The following GFRA1 variants were observed in gnomAD, a reference collection of about 807,000 sequenced individuals.
The protein encoded by GFRA1 is GDNF family receptor alpha-1.
Under a neutral mutation model 51.6 loss-of-function variants are expected in GFRA1, and 16 were observed. That is an observed-to-expected ratio of 0.31 (90% CI 0.21 to 0.47). The LOEUF is 0.47. GFRA1 is among the 20% of genes least tolerant of loss of function. GFRA1 has a pLI of 1.00. For missense variants in GFRA1, 530 were observed against 594.3 expected (o/e 0.89, Z 1.13); for synonymous variants, 270 against 241.3 (o/e 1.12, Z -1.10).
At chr10:116,161,882 A>C (rs1003215688) in intron 5 of GFRA1, among the ~76,000 whole-genome samples, 12 of 152,254 alleles carry the variant, frequency 7.9e-5, no homozygotes, top group African/African-American at 2.7e-4. Flanking sequence ...GTGCAAAAGA[A>C]AAAATTATAG....
chr10:116,252,491 C>T (rs1287526290), intron 4 of GFRA1, among the ~76,000 whole-genome samples: 3 of 152,246 alleles, frequency 2.0e-5, no homozygotes, highest in Non-Finnish European at 4.4e-5. Flanking sequence ...ATACAGCTGG[C>T]GCCTACTGCA....
intron 2 of GFRA1, among the ~76,000 whole-genome samples, chr10:116,271,666 C>T (rs765702092): frequency 8.5e-5 from 13 of 152,192 alleles, no homozygotes; most frequent in Non-Finnish European, 1.5e-4. Context: ...CCAACTCCAC[C>T]TGCCCGCCGC....
At chr10:116,247,088 T>A (rs1967926811) in intron 4 of GFRA1, among the ~76,000 whole-genome samples, 1 of 152,186 alleles carries the variant, frequency 6.6e-6, no homozygotes, top group Non-Finnish European at 1.5e-5. Flanking sequence ...AATGGAACTC[T>A]AAGTCTACAC....
chr10:116,195,103 G>A (rs1195973925), intron 5 of GFRA1, among the ~76,000 whole-genome samples: 1 of 152,130 alleles, frequency 6.6e-6, no homozygotes, highest in Non-Finnish European at 1.5e-5. Context: ...GTCAGCATTT[G>A]GGCCATAGTT....
At chr10:116,164,561 C>T (rs72836310) in intron 5 of GFRA1, among the ~76,000 whole-genome samples, 2,676 of 152,248 alleles carry the variant, frequency 0.018, 39 homozygotes, top group Non-Finnish European at 0.027. Context: ...TCAGGGTGAA[C>T]GGTCTTCTGG....
intron 5 of GFRA1, among the ~76,000 whole-genome samples, chr10:116,160,066 C>T (rs1017015927): frequency 6.6e-6 from 1 of 152,226 alleles, no homozygotes; most frequent in African/African-American, 2.4e-5. Flanking sequence ...CTAATCCCTG[C>T]TATCAGCTTC....
At chr10:116,225,457 C>A (rs1003871071) in intron 4 of GFRA1, among the ~76,000 whole-genome samples, 8 of 138,308 alleles carry the variant, frequency 5.8e-5, no homozygotes, top group Non-Finnish European at 1.1e-4. Context: ...ACTGCTTGAA[C>A]CTGGGAGGGT....
intron 5 of GFRA1, among the ~76,000 whole-genome samples, chr10:116,166,080 A>C (rs934161027): frequency 2.0e-5 from 3 of 152,240 alleles, no homozygotes; most frequent in African/African-American, 7.2e-5. Flanking sequence ...TAGTTTGCTA[A>C]GGATAATGGC....
intron 6 of GFRA1, among the ~76,000 whole-genome samples, chr10:116,104,232 C>G (rs1324814368): frequency 6.6e-6 from 1 of 152,250 alleles, no homozygotes; most frequent in African/African-American, 2.4e-5. Context: ...AAGGTCTAAG[C>G]AGCCTTCAAG....
intron 5 of GFRA1, among the ~76,000 whole-genome samples, chr10:116,145,165 A>AAAAAAAAAAAAAT: frequency 6.7e-6 from 1 of 149,806 alleles, no homozygotes; most frequent in Non-Finnish European, 1.5e-5. Context: ...AAAAAAAAAA[A>AAAAAAAAAAAAAT]AAAAAAAGAT....
At chr10:116,087,331 C>G (rs1565564486) in intron 9 of GFRA1, among the ~76,000 whole-genome samples, 1 of 152,172 alleles carries the variant, frequency 6.6e-6, no homozygotes, top group African/African-American at 2.4e-5. Flanking sequence ...ACAGACCCCT[C>G]TCCTCTCATG....
chr10:116,126,003 A>T (rs952919), intron 5 of GFRA1, among the ~76,000 whole-genome samples: 75,727 of 152,178 alleles, frequency 0.5, 20,171 homozygotes, highest in Admixed American at 0.63. Flanking sequence ...TGCATATAGT[A>T]CATGCTAATT....
At chr10:116,065,648 A>G in intron 9 of GFRA1, 22 bp from the exon 10 acceptor site, 1 of 1,606,854 alleles carries the variant, frequency 6.2e-7, no homozygotes, top group East Asian at 2.2e-5. Context: ...CAAGAAAAAA[A>G]ATGCTCAAAC....
At chr10:116,185,953 T>A (rs949870225) in intron 5 of GFRA1, among the ~76,000 whole-genome samples, 2 of 152,242 alleles carry the variant, frequency 1.3e-5, no homozygotes, top group African/African-American at 4.8e-5. Context: ...GAGTCTGGTA[T>A]ACCTCCAGGA....
At chr10:116,077,395 G>A (rs1478033952) in intron 9 of GFRA1, among the ~76,000 whole-genome samples, 2 of 152,118 alleles carry the variant, frequency 1.3e-5, no homozygotes, top group Non-Finnish European at 2.9e-5. Context: ...TTAAAGGTGT[G>A]CAATAGATTT....
chr10:116,188,492 G>A (rs1962939146), intron 5 of GFRA1, among the ~76,000 whole-genome samples: 2 of 152,174 alleles, frequency 1.3e-5, no homozygotes, highest in South Asian at 4.1e-4. Context: ...TGTTCAATGG[G>A]TATAGAGTTT....
At chr10:116,178,438 A>C (rs1274341873) in intron 5 of GFRA1, among the ~76,000 whole-genome samples, 1 of 152,230 alleles carries the variant, frequency 6.6e-6, no homozygotes, top group Non-Finnish European at 1.5e-5. Flanking sequence ...GAACAGGCTG[A>C]GTTACACTTT....
chr10:116,174,080 C>CA (rs938897080), intron 5 of GFRA1, among the ~76,000 whole-genome samples: 2 of 148,108 alleles, frequency 1.4e-5, no homozygotes, highest in African/African-American at 2.5e-5. Flanking sequence ...AACTCCATTT[C>CA]AAAAAAAAAG....
At chr10:116,144,316 CAT>C (rs1200691093) in intron 5 of GFRA1, among the ~76,000 whole-genome samples, 1 of 151,906 alleles carries the variant, frequency 6.6e-6, no homozygotes, top group Non-Finnish European at 1.5e-5. Context: ...TTCATTCATT[CAT>C]AGTGTTTACT....
Sources: allele counts gnomAD v4.1 joint callset (sites outside exome capture counted in the v4.1 genomes callset), GRCh38; gene constraint gnomAD v4.1.1; transcripts MANE v1.5; gene names NCBI Gene and HGNC (gene_info 2026-07-23, HGNC 2026-07-21).